Variants in MMS22L observed in about 807,000 individuals in gnomAD.
MMS22L encodes MMS22 like, DNA repair protein.
Under a neutral mutation model 159.1 loss-of-function variants are expected in MMS22L, and 74 were observed. That is an observed-to-expected ratio of 0.47 (90% CI 0.39 to 0.56). The LOEUF is 0.56. Ranked by LOEUF, MMS22L falls within the 20% of genes least tolerant of loss-of-function variation. The pLI, the probability that MMS22L is intolerant of heterozygous loss-of-function variation, is 0.00. For missense variants in MMS22L, 1,351 were observed against 1,422.1 expected (o/e 0.95, Z 0.80); for synonymous variants, 517 against 506.9 (o/e 1.02, Z -0.27).
chr6:97,234,944 A>G (rs1046580577), intron 11 of MMS22L, among the ~76,000 whole-genome samples: 2 of 152,182 alleles, frequency 1.3e-5, no homozygotes, highest in East Asian at 3.8e-4. Context: ...AAAATTCTAG[A>G]CAGGAAGACA....
chr6:97,203,125 G>A (rs1015957228), intron 14 of MMS22L, among the ~76,000 whole-genome samples: 8 of 152,176 alleles, frequency 5.3e-5, no homozygotes, highest in African/African-American at 9.7e-5. Flanking sequence ...AACTTGGAAT[G>A]CCTAGCAAGA....
At chr6:97,150,905 G>C (rs1801255152) in intron 23 of MMS22L, among the ~76,000 whole-genome samples, 1 of 152,108 alleles carries the variant, frequency 6.6e-6, no homozygotes, top group African/African-American at 2.4e-5. Context: ...ACTCTAAAGG[G>C]AACAAGACAG....
intron 9 of MMS22L, 133 bp downstream of exon 9, chr6:97,263,202 G>GT (rs1433675502): frequency 1.7e-6 from 1 of 597,474 alleles, no homozygotes; most frequent in Non-Finnish European, 2.9e-6. Flanking sequence ...TCAGTACTCA[G>GT]TTATTGCTCT....
In MMS22L at chr6:97,151,679, T is replaced by C; in HGVS notation, c.3482+92A>G. The C allele has an allele frequency of 3.1e-6, 3 of 969,496 alleles. No homozygotes were observed. In the East Asian group the frequency reaches 7.3e-5, roughly 24 times the overall value. 60.1% of individuals were successfully genotyped at this position (969,496 alleles called of 1,614,324 possible). A position where few individuals can be genotyped will look rare whatever the true frequency, so the allele number is the denominator to read the frequency against. ...AATACTATAAACAAGTAGTAACACA[T>C]TATGTTTTGGATAATTAGTTATTTA... On this transcript the variant is annotated intron_variant, in intron 23 of 24. Transcript: ENST00000683635.
chr6:97,222,172 T>G (rs1809727165), intron 14 of MMS22L, among the ~76,000 whole-genome samples: 1 of 151,908 alleles, frequency 6.6e-6, no homozygotes, highest in Admixed American at 6.6e-5. Flanking sequence ...ACCATACCAA[T>G]AAAACTACTG....
At chr6:97,199,355 C>T (rs1562449714) in intron 14 of MMS22L, among the ~76,000 whole-genome samples, 1 of 152,042 alleles carries the variant, frequency 6.6e-6, no homozygotes, top group African/African-American at 2.4e-5. Flanking sequence ...TTAACTACAT[C>T]AACCCAAATG....
Position 97,176,308 on chromosome 6 carries a change from A to G in MMS22L, c.2679+2135T>C, listed in dbSNP as rs542109505. On this transcript the variant is annotated intron_variant, in intron 18 of 24. Transcript: ENST00000683635. ...TCTATGGACTACACTTTTGAACACC[A>G]GTGCCTTAGACTTCTCAATATTGCT... Among the ~76,000 whole-genome samples, 11 of 152,218 alleles carry G rather than the reference A, an allele frequency of 7.2e-5. No homozygotes were observed. In the South Asian group the frequency reaches 2.1e-3, roughly 29 times the overall value.
At chr6:97,210,750 G>A (rs1808282759) in intron 14 of MMS22L, among the ~76,000 whole-genome samples, 1 of 151,878 alleles carries the variant, frequency 6.6e-6, no homozygotes. Flanking sequence ...CTTGCCTTCT[G>A]GGAAACAAGG....
At chr6:97,201,490 T>A (rs980294208) in intron 14 of MMS22L, among the ~76,000 whole-genome samples, 1 of 152,198 alleles carries the variant, frequency 6.6e-6, no homozygotes, top group South Asian at 2.1e-4. Context: ...AAAATCACTG[T>A]TAGACCCAAT....
rs951708926 is a variant in MMS22L, at chr6:97,273,130, G to T, written c.341-68C>A. On this transcript the variant is annotated intron_variant, in intron 4 of 24. Coordinates refer to ENST00000683635, the MANE Select transcript of MMS22L (RefSeq NM_001350599.2). ...ATCATGGGCAGTGACAAAAAATGTTGTAAGCCATACCGGCAGCAATTCTCT... is the reference window on the plus strand; with the variant it reads ...ATCATGGGCAGTGACAAAAAATGTTTTAAGCCATACCGGCAGCAATTCTCT... The T allele has an allele frequency of 3.2e-6, 4 of 1,254,608 alleles. No homozygotes were observed. The Admixed American group carries it at 6.5e-5, about 20-fold the overall frequency. The allele number at this position is 1,254,608 out of a possible 1,614,324, so 77.7% of individuals were successfully genotyped here.
At position 97,263,577 on chromosome 6, in the gene MMS22L, T is replaced by C. The variant is rs1582834742; in HGVS notation, c.829-129A>G. 1.6e-5 allele frequency: 7 copies of C among 442,922 alleles called. No individual in the cohort carries two copies. In the East Asian group the frequency reaches 2.1e-4, roughly 13 times the overall value. The allele number at this position is 442,922 out of a possible 1,614,324, so 27.4% of individuals were successfully genotyped here. The stretch of plus-strand genomic sequence containing the variant: ...ATTTATTCTCAATTAGACAAAATTA[T>C]TTATTGAAAATGTGCAATTTCATTT... On this transcript the variant is annotated intron_variant, in intron 8 of 24. Transcript: ENST00000683635.
chr6:97,201,016 T>C (rs967938545), intron 14 of MMS22L, among the ~76,000 whole-genome samples: 2 of 152,124 alleles, frequency 1.3e-5, no homozygotes, highest in East Asian at 1.9e-4. Flanking sequence ...AGATTGACTG[T>C]TGCTGTAGTT....
chr6:97,278,889 CAGTTGTTGCCT>C lies in MMS22L; in HGVS notation c.291-2_299del, dbSNP rs1816492231. 1 of 1,612,802 alleles carries C rather than the reference CAGTTGTTGCCT, an allele frequency of 6.2e-7. No individual in the cohort carries two copies. The highest frequency in any genetic ancestry group is 1.3e-5 in the African/African-American group (1 of 74,876). ...ACTGTAACAAGGTTTCCAAGTTGTA[CAGTTGTTGCCT>C]AATTTTAAAAATGTAAGGTGAGAGT... On this transcript the variant is annotated splice_acceptor_variant and coding_sequence_variant, in exon 4 of 25. Transcript: ENST00000683635. LOFTEE classifies it high-confidence loss of function.
At chr6:97,158,610 G>C (rs1802100343) in intron 22 of MMS22L, among the ~76,000 whole-genome samples, 1 of 152,208 alleles carries the variant, frequency 6.6e-6, no homozygotes, top group African/African-American at 2.4e-5. Flanking sequence ...TTTCCATGTA[G>C]TTGTGCGGTT....
Position 97,256,594 on chromosome 6 carries a change from A to G in MMS22L, c.943-1861T>C, listed in dbSNP as rs997779286. On this transcript the variant is annotated intron_variant, in intron 9 of 24. Coordinates refer to ENST00000683635, the MANE Select transcript of MMS22L (RefSeq NM_001350599.2). ...CAAATATTGTTTTGATACAATAAGG[A>G]TATCATTCCCACTGGCCTCCATTGT... is the stretch of plus-strand genomic sequence containing the variant. Among the ~76,000 whole-genome samples the G allele has an allele frequency of 4.6e-5, 7 of 152,180 alleles. No individual in the cohort carries two copies. The East Asian group carries it at 7.7e-4, about 17-fold the overall frequency.
chr6:97,209,034 C>T (rs1249213939), intron 14 of MMS22L, among the ~76,000 whole-genome samples: 1 of 152,042 alleles, frequency 6.6e-6, no homozygotes, highest in Non-Finnish European at 1.5e-5. Flanking sequence ...CCCTACCCCT[C>T]CTCCTTCCTT....
Position 97,186,694 on chromosome 6 carries a change from A to C in MMS22L, c.2040-4T>G. On this transcript the variant is annotated splice_region_variant and splice_polypyrimidine_tract_variant and intron_variant, in intron 14 of 24. Transcript: ENST00000683635. ...ACACAATTGTTGATGCATACTCCTAAAAAGAAATAAAAATACAGCTAACAC... is the reference window on the plus strand; with the variant it reads ...ACACAATTGTTGATGCATACTCCTACAAAGAAATAAAAATACAGCTAACAC... 1 of 1,508,460 alleles carries C rather than the reference A, an allele frequency of 6.6e-7. No individual in the cohort carries two copies. Among genetic ancestry groups the C allele is most frequent in the Non-Finnish European group, 8.9e-7 (1 of 1,127,008 alleles). 93.4% of individuals were successfully genotyped at this position (1,508,460 alleles called of 1,614,324 possible). A position where few individuals can be genotyped will look rare whatever the true frequency, so the allele number is the denominator to read the frequency against.
intron 15 of MMS22L, among the ~76,000 whole-genome samples, chr6:97,184,704 T>G (rs557702161): frequency 1.3e-5 from 2 of 152,240 alleles, no homozygotes; most frequent in African/African-American, 4.8e-5. Context: ...CCACCTCTAC[T>G]GCCACCACTC....
chr6:97,260,505 A>AT (rs1814346902), intron 9 of MMS22L: 2 of 152,102 alleles, frequency 1.3e-5, no homozygotes, highest in African/African-American at 4.8e-5. Context: ...CCTGCATTGA[A>AT]TGTATTCTTT....
Sources: allele counts gnomAD v4.1 joint callset (sites outside exome capture counted in the v4.1 genomes callset), GRCh38; gene constraint gnomAD v4.1.1; transcripts MANE v1.5; gene names NCBI Gene and HGNC (gene_info 2026-07-23, HGNC 2026-07-21).